The following ZFX variants were observed in gnomAD, a reference collection of about 807,000 sequenced individuals.
The protein encoded by ZFX is zinc finger X-chromosomal protein.
For missense variants in ZFX, 362 were observed against 628.3 expected, an observed-to-expected ratio of 0.58 and a Z score of 4.53; for synonymous variants, 196 against 226.8, an observed-to-expected ratio of 0.86 and a Z score of 1.22.
chrX:24,202,121 T>C (rs997083571), intron 5 of ZFX, among the ~76,000 whole-genome samples: 13 of 111,909 alleles, frequency 1.2e-4, no homozygotes, highest in African/African-American at 3.2e-4. Flanking sequence ...CATTCAAGTC[T>C]CAGAAGGATA....
At chrX:24,151,951 T>TA (rs1439008490) in intron 2 of ZFX, among the ~76,000 whole-genome samples, 151 bp downstream of exon 2, 1 of 112,076 alleles carries the variant, frequency 8.9e-6, no homozygotes, top group African/African-American at 3.2e-5. Flanking sequence ...GCGTCTCTAT[T>TA]AAGACAGCTG....
chrX:24,150,461 CAG>C (rs1257179247), intron 1 of ZFX: 1 of 112,728 alleles, frequency 8.9e-6, no homozygotes, highest in East Asian at 2.8e-4. Flanking sequence ...GCTCGGGCTC[CAG>C]GCGCTCGGCG....
intron 1 of ZFX, chrX:24,150,569 C>T (rs1931966154): frequency 8.8e-6 from 1 of 113,225 alleles, no homozygotes; most frequent in African/African-American, 3.2e-5. Flanking sequence ...CCACCGCCGC[C>T]GCCCGGACGC....
intron 3 of ZFX, among the ~76,000 whole-genome samples, chrX:24,153,045 A>G (rs774409731): frequency 1.4e-4 from 16 of 111,878 alleles, no homozygotes; most frequent in Middle Eastern, 4.2e-3. Context: ...ATGTGTTACA[A>G]ATTTTTTTTT....
At chrX:24,152,873 A>C (rs183462752) in intron 3 of ZFX, 43 bp downstream of exon 3, 1 of 112,450 alleles carries the variant, frequency 8.9e-6, no homozygotes, top group East Asian at 2.8e-4. Flanking sequence ...GTTAAATATA[A>C]AATTATTTTT....
chrX:24,186,349 C>A (rs1936110556), intron 5 of ZFX, among the ~76,000 whole-genome samples: 1 of 110,790 alleles, frequency 9.0e-6, no homozygotes, highest in Admixed American at 9.7e-5. Context: ...TAAGGTGGCT[C>A]ACACCTGTAA....
At chrX:24,168,676 T>C (rs1248508145) in intron 3 of ZFX, among the ~76,000 whole-genome samples, 1 of 105,268 alleles carries the variant, frequency 9.5e-6, no homozygotes, top group African/African-American at 3.4e-5. Flanking sequence ...TCTTTCTTTT[T>C]TTTTTTTTTT....
chrX:24,155,727 C>T (rs908238878), intron 3 of ZFX, among the ~76,000 whole-genome samples: 1 of 112,198 alleles, frequency 8.9e-6, no homozygotes, highest in Non-Finnish European at 1.9e-5. Context: ...GTATAAATGG[C>T]ATCTCCTTGC....
At chrX:24,172,868 C>G (rs1307535612) in intron 4 of ZFX, 68 bp downstream of exon 4, 2 of 1,024,157 alleles carry the variant, frequency 2.0e-6, no homozygotes, top group South Asian at 2.3e-5. Context: ...CAATGAATTG[C>G]TAGAACTCTC....
chrX:24,150,686 G>C (rs991631671), intron 1 of ZFX: 2 of 113,359 alleles, frequency 1.8e-5, no homozygotes, highest in African/African-American at 6.4e-5. Flanking sequence ...GGGCTTACCA[G>C]GGCATACGGG....
At chrX:24,160,586 A>C (rs1201755398) in intron 3 of ZFX, among the ~76,000 whole-genome samples, 1 of 111,360 alleles carries the variant, frequency 9.0e-6, no homozygotes, top group Non-Finnish European at 1.9e-5. Context: ...GGTGTGAGCC[A>C]CTGAGCCCAG....
chrX:24,167,320 ATTG>A (rs1338946468), intron 3 of ZFX, among the ~76,000 whole-genome samples: 1 of 111,415 alleles, frequency 9.0e-6, no homozygotes, highest in Non-Finnish European at 1.9e-5. Context: ...ATTTAAGTTT[ATTG>A]TTGGGCAAAC....
Position 24,179,588 on chromosome X carries a change from A to C in ZFX, c.464A>C (p.His155Pro). 8.3e-7 allele frequency: 1 copy of C among 1,212,007 alleles called. No homozygotes were observed. Among genetic ancestry groups the C allele is most frequent in the Non-Finnish European group, 1.1e-6 (1 of 895,625 alleles). Residue 155 changes from histidine (H) to proline (P), a missense_variant, in exon 5 of 10, where the codon CAT becomes CCT. Coordinates refer to ENST00000304543, the MANE Select transcript of ZFX (RefSeq NM_003410.4). ...GTTGGACATGTTGGACATGTTGAACATGTGGTTCATGATAGTGTAGTGGAA... is the reference window on the plus strand; with the variant it reads ...GTTGGACATGTTGGACATGTTGAACCTGTGGTTCATGATAGTGTAGTGGAA... ...GHVGHVGHVEHVVHDSVVEAE... is the reference protein window; with the variant it reads ...GHVGHVGHVEPVVHDSVVEAE...
At chrX:24,156,473 G>A (rs1193751168) in intron 3 of ZFX, among the ~76,000 whole-genome samples, 1 of 110,832 alleles carries the variant, frequency 9.0e-6, no homozygotes, top group African/African-American at 3.3e-5. Flanking sequence ...ATTGTGTGAC[G>A]TAGGAATCTA....
chrX:24,178,586 G>A (rs1353776950), intron 4 of ZFX, among the ~76,000 whole-genome samples: 1 of 91,827 alleles, frequency 1.1e-5, no homozygotes, highest in East Asian at 3.8e-4. Flanking sequence ...AGCGCGCCTG[G>A]CCTTTTTTTT....
intron 3 of ZFX, chrX:24,161,846 T>C (rs1933365486): frequency 9.3e-6 from 1 of 107,575 alleles, no homozygotes; most frequent in African/African-American, 3.4e-5. Flanking sequence ...ATTACAGGTG[T>C]GCGCCCCCAT....
chrX:24,207,825 A>G lies in ZFX; in HGVS notation c.910A>G (p.Asn304Asp). ...PREKMVYMTV[N>D]DSQPEDEDLN... The stretch of plus-strand genomic sequence containing the variant: ...GGAAAAGATGGTTTATATGACTGTC[A>G]ATGACTCTCAGCCAGAAGATGAAGA... Residue 304 changes from asparagine (N) to aspartate (D), a missense_variant, in exon 7 of 10, where the codon AAT (asparagine) becomes GAT (aspartate). By Grantham distance (23) the Asn-to-Asp change is conservative. Transcript: ENST00000304543. 1 of 1,210,981 alleles carries G rather than the reference A, an allele frequency of 8.3e-7. No individual in the cohort carries two copies. Among genetic ancestry groups the G allele is most frequent in the South Asian group, 1.8e-5 (1 of 56,647 alleles).
intron 3 of ZFX, among the ~76,000 whole-genome samples, chrX:24,168,278 G>A (rs1934199335): frequency 1.8e-5 from 2 of 112,157 alleles, no homozygotes; most frequent in Admixed American, 1.9e-4. Context: ...GTGTGACTTA[G>A]TGAGAAGAAT....
Position 24,179,547 on chromosome X carries a change from G to A in ZFX, c.423G>A (p.Val141=). 8.3e-7 allele frequency: 1 copy of A among 1,211,700 alleles called. No homozygotes were observed. Among genetic ancestry groups the A allele is most frequent in the Non-Finnish European group, 1.1e-6 (1 of 895,220 alleles). The change falls in exon 5 of 10, where the codon GTG becomes GTA. Residue 141 remains valine (V), a synonymous_variant. Transcript: ENST00000304543. ...TCTTGACGGGTGATTCTATACATGT[G>A]TCTGACGTTGGACATGTTGGACATG... ...EHVLTGDSIH[V]SDVGHVGHVG... is the part of the protein sequence containing the mutation.
Sources: gnomAD v4.1 joint callset for allele counts (sites outside exome capture counted in the v4.1 genomes callset) on GRCh38, gnomAD v4.1.1 for gene constraint, MANE v1.5 for transcripts, NCBI Gene and HGNC (gene_info 2026-07-23, HGNC 2026-07-21) for gene names.